Variants in IGF2R observed in about 807,000 individuals in gnomAD.
The protein encoded by IGF2R is insulin like growth factor 2 receptor.
Under a neutral mutation model 270.6 loss-of-function variants are expected in IGF2R, and 91 were observed. That is an observed-to-expected ratio of 0.34 (90% CI 0.28 to 0.40). The LOEUF (loss-of-function observed/expected upper bound fraction) is 0.40. IGF2R is among the 10% of genes least tolerant of loss of function. IGF2R has a pLI of 1.00. For synonymous variants in IGF2R, 1,316 were observed against 1,258.9 expected, an observed-to-expected ratio of 1.05 and a Z score of -0.96; for missense variants, 2,805 against 3,188.3, an observed-to-expected ratio of 0.88 and a Z score of 2.90.
chr6:160,081,696 C>G (rs1218428616), intron 39 of IGF2R, among the ~76,000 whole-genome samples: 1 of 152,194 alleles, frequency 6.6e-6, no homozygotes, highest in African/African-American at 2.4e-5. Flanking sequence ...CTGCCTTCCT[C>G]CCGGGAATGC....
At chr6:160,046,905 CTG>C (rs1373976762) in intron 15 of IGF2R, among the ~76,000 whole-genome samples, 2 of 152,200 alleles carry the variant, frequency 1.3e-5, no homozygotes, top group African/African-American at 2.4e-5. Flanking sequence ...CTAGATATCT[CTG>C]TGCGTATTTC....
At chr6:160,088,816 C>G (rs1279002949) in intron 42 of IGF2R, among the ~76,000 whole-genome samples, 1 of 152,180 alleles carries the variant, frequency 6.6e-6, no homozygotes, top group Non-Finnish European at 1.5e-5. Flanking sequence ...CCTGCTTTGT[C>G]ACATTACTGA....
intron 10 of IGF2R, among the ~76,000 whole-genome samples, chr6:160,034,910 A>G (rs1262072475): frequency 6.6e-6 from 1 of 152,194 alleles, no homozygotes; most frequent in Non-Finnish European, 1.5e-5. Context: ...TGTAATGAGT[A>G]TCAAGATAAT....
intron 17 of IGF2R, 89 bp downstream of exon 17, chr6:160,047,996 T>C (rs889009740): frequency 2.3e-6 from 2 of 861,198 alleles, no homozygotes; most frequent in African/African-American, 1.7e-5. Flanking sequence ...GAGCTGATGA[T>C]GGGGAGTGAT....
Position 160,060,679 on chromosome 6 carries a change from T to C in IGF2R, c.3224T>C (p.Leu1075Ser). The C allele has an allele frequency of 6.2e-7, 1 of 1,614,256 alleles. No homozygotes were observed. The highest frequency in any genetic ancestry group is 1.6e-4 in the Middle Eastern group (1 of 6,062). The change falls in exon 23 of 48, where the codon TTG (leucine) becomes TCG (serine). Residue 1075 changes from leucine (L) to serine (S), a missense_variant. Leu to Ser is a moderately radical substitution (Grantham distance 145, BLOSUM62 -2). Transcript: ENST00000356956. ...ACTTACTTTGAGTTTGAAACCGCGT[T>C]GGCCTGTGTTCCTTCTCCAGTGGAC... Reference protein sequence around the residue: ...RNTYFEFETALACVPSPVDCQ... With the variant: ...RNTYFEFETASACVPSPVDCQ...
intron 2 of IGF2R, among the ~76,000 whole-genome samples, chr6:159,992,100 A>G (rs1452454140): frequency 2.6e-5 from 4 of 152,198 alleles, no homozygotes; most frequent in African/African-American, 7.2e-5. Context: ...ACCACAATGG[A>G]TGCTCGTGAC....
At chr6:160,099,592 C>T (rs1779438758) in intron 45 of IGF2R, among the ~76,000 whole-genome samples, 1 of 152,180 alleles carries the variant, frequency 6.6e-6, no homozygotes, top group South Asian at 2.1e-4. Flanking sequence ...TGATCTCGAT[C>T]TCCTGATCTT....
chr6:159,996,409 A>C (rs1367045428), intron 2 of IGF2R, among the ~76,000 whole-genome samples: 2 of 152,122 alleles, frequency 1.3e-5, no homozygotes, highest in Non-Finnish European at 2.9e-5. Flanking sequence ...TGGTCTGTGG[A>C]ATGCACAGTG....
rs769074376 is a variant in IGF2R at position 160,084,003 on chromosome 6, A to C, written c.5887A>C (p.Ile1963Leu). ...ATTTAAGTGTGATGAAGATGAGGAC[A>C]TTGGGAGGCCACAAGTCTTCAGTGA... The part of the protein sequence containing the change: ...IIFKCDEDED[I>L]GRPQVFSEVR... Residue 1963 changes from isoleucine (I) to leucine (L), a missense_variant, in exon 40 of 48, where the codon ATT becomes CTT. Transcript: ENST00000356956. This position sits in a 1 kb window ranked among gnomAD's most constrained non-coding sequence, Gnocchi z 4.6. The C allele has an allele frequency of 6.8e-6, 11 of 1,614,074 alleles. No homozygotes were observed. Among genetic ancestry groups the C allele is most frequent in the Non-Finnish European group, 8.5e-6 (10 of 1,180,012 alleles).
chr6:159,999,475 T>G, intron 2 of IGF2R, among the ~76,000 whole-genome samples: 1 of 152,258 alleles, frequency 6.6e-6, no homozygotes, highest in East Asian at 1.9e-4. Context: ...AGGGCTGTGC[T>G]TTTGTGTGAG....
intron 1 of IGF2R, among the ~76,000 whole-genome samples, chr6:159,980,911 A>C (rs1210723959): frequency 6.6e-6 from 1 of 152,258 alleles, no homozygotes; most frequent in Admixed American, 6.5e-5. Context: ...TGAGGAGCAA[A>C]GTATGAGACC....
At chr6:160,046,064 A>T (rs1369332287) in intron 14 of IGF2R, among the ~76,000 whole-genome samples, 182 bp downstream of exon 14, 1 of 152,238 alleles carries the variant, frequency 6.6e-6, no homozygotes, top group African/African-American at 2.4e-5. Flanking sequence ...ACTATCTTAA[A>T]TTCATTATTG....
At chr6:160,041,996 C>CTT (rs3839347) in intron 11 of IGF2R, among the ~76,000 whole-genome samples, 37 of 148,490 alleles carry the variant, frequency 2.5e-4, no homozygotes, top group East Asian at 2.0e-3. Context: ...CTTAAGTTAA[C>CTT]TTTTTTTTTT....
Position 160,109,744 on chromosome 6 carries a change from C to G in IGF2R, c.*4660C>G, listed in dbSNP as rs982412287. 6.6e-5 allele frequency: 10 copies of G among 152,210 alleles called. No individual in the cohort carries two copies. Among genetic ancestry groups the G allele is most frequent in the Non-Finnish European group, 4.4e-5 (3 of 68,054 alleles). The allele number at this position is 152,210 out of a possible 1,614,324, so 9.4% of individuals were successfully genotyped here. On this transcript the variant is annotated 3_prime_UTR_variant, in exon 48 of 48. Coordinates refer to ENST00000356956, the MANE Select transcript of IGF2R (RefSeq NM_000876.4). Reference sequence around the variant, plus strand: ...TTCTGTAACCTCCATGACCTTGACACATGAGGTCACTCTTCTCACCCGCCC... The same window carrying G: ...TTCTGTAACCTCCATGACCTTGACAGATGAGGTCACTCTTCTCACCCGCCC...
chr6:160,067,908 C>G (rs1778619158), intron 29 of IGF2R, among the ~76,000 whole-genome samples: 1 of 152,214 alleles, frequency 6.6e-6, no homozygotes, highest in African/African-American at 2.4e-5. Context: ...ACCTTTGTCA[C>G]CAGCAAGTTC....
intron 2 of IGF2R, among the ~76,000 whole-genome samples, chr6:159,993,985 A>ATTTTTTTTTTTTT (rs59369382): frequency 1.6e-5 from 1 of 61,030 alleles, no homozygotes; most frequent in East Asian, 4.1e-4. Context: ...CTCCAACTTG[A>ATTTTTTTTTTTTT]TTTTTTTTTT....
chr6:160,061,904 C>A lies in IGF2R; in HGVS notation c.3558C>A (p.Ile1186=), dbSNP rs750245956. 2 of 1,614,144 alleles carry A rather than the reference C, an allele frequency of 1.2e-6. No homozygotes were observed. Among genetic ancestry groups the A allele is most frequent in the Non-Finnish European group, 1.7e-6 (2 of 1,180,026 alleles). Residue 1186 remains isoleucine (I), a synonymous_variant, in exon 25 of 48, where the codon ATC becomes ATA. Coordinates refer to ENST00000356956, the MANE Select transcript of IGF2R (RefSeq NM_000876.4). The stretch of plus-strand genomic sequence containing the variant: ...GGAACCAGCGCTTCTCCACCAGGAT[C>A]ACGTTTGAGTGTGCTCAGATATCGG... ...KCGNQRFSTR[I]TFECAQISGS...
chr6:160,032,827 G>A lies in IGF2R; in HGVS notation c.1045+114G>A, dbSNP rs572486701. ...GCATGCTTCTGGGTTGGAGAGAGCT[G>A]TAGTTTGGGCTGGTGTTTCAGAAAT... On this transcript the variant is annotated intron_variant, in intron 8 of 47. Coordinates refer to ENST00000356956, the MANE Select transcript of IGF2R (RefSeq NM_000876.4). The A allele has an allele frequency of 2.6e-5, 37 of 1,404,638 alleles. No individual in the cohort carries two copies. The South Asian group carries it at 4.4e-4, about 17-fold the overall frequency. The allele number at this position is 1,404,638 out of a possible 1,614,324, so 87.0% of individuals were successfully genotyped here.
intron 46 of IGF2R, among the ~76,000 whole-genome samples, chr6:160,103,298 G>A (rs1326112305): frequency 6.6e-6 from 1 of 150,734 alleles, no homozygotes; most frequent in Admixed American, 6.6e-5. Context: ...TCTAGCCTGG[G>A]CAACACAGTG....
Sources: gnomAD v4.1 joint callset for allele counts (sites outside exome capture counted in the v4.1 genomes callset) on GRCh38, gnomAD v4.1.1 for gene constraint, Gnocchi (gnomAD v3.1) non-coding constraint, MANE v1.5 for transcripts, NCBI Gene and HGNC (gene_info 2026-07-23, HGNC 2026-07-21) for gene names.